Variants in CADM2 observed in about 807,000 individuals in gnomAD.
CADM2 encodes immunoglobulin superfamily member 4D.
A neutral mutation model predicts 49.8 loss-of-function variants in CADM2; 12 were observed. That is an observed-to-expected ratio of 0.24 (90% CI 0.15 to 0.39). CADM2 has a LOEUF of 0.39. CADM2 is among the 10% of genes least tolerant of loss of function. The pLI, the probability that CADM2 is intolerant of heterozygous loss-of-function variation, is 1.00. For synonymous variants in CADM2, 214 were observed against 175.4 expected, an observed-to-expected ratio of 1.22 and a Z score of -1.74; for missense variants, 378 against 492.3, an observed-to-expected ratio of 0.77 and a Z score of 2.20.
intron 1 of CADM2, among the ~76,000 whole-genome samples, chr3:85,672,894 G>A (rs2065782911): frequency 2.0e-5 from 3 of 152,128 alleles, no homozygotes; most frequent in African/African-American, 7.2e-5. Context: ...AAGCACTAAT[G>A]GCACTTTAAA....
Position 85,395,988 on chromosome 3 carries a change from A to G in CADM2, c.62-330534A>G, listed in dbSNP as rs970610072. On this transcript the variant is annotated intron_variant, in intron 1 of 9. Transcript: ENST00000383699. Reference sequence around the variant, plus strand: ...TTATCATAATGATAATTTATAAAATAAATATGCAATTATATTTTCAGTATT... The same window carrying G: ...TTATCATAATGATAATTTATAAAATGAATATGCAATTATATTTTCAGTATT... Among the ~76,000 whole-genome samples, 4 of 148,980 alleles carry G rather than the reference A, an allele frequency of 2.7e-5. No homozygotes were observed. In the South Asian group the frequency reaches 6.3e-4, roughly 23 times the overall value.
chr3:85,987,119 A>G (rs1254718679), intron 8 of CADM2, among the ~76,000 whole-genome samples: 1 of 152,008 alleles, frequency 6.6e-6, no homozygotes, highest in Non-Finnish European at 1.5e-5. Flanking sequence ...CAATTTGAAA[A>G]TCTTTAAGTA....
intron 1 of CADM2, among the ~76,000 whole-genome samples, chr3:85,107,631 T>TTTTC (rs371715710): frequency 0.35 from 47,911 of 137,642 alleles, 11,283 homozygotes; most frequent in Non-Finnish European, 0.52. Flanking sequence ...CTTTCTTTCT[T>TTTTC]TTTCTTTCTT....
intron 1 of CADM2, among the ~76,000 whole-genome samples, chr3:85,237,984 G>GT (rs1435441879): frequency 1.3e-5 from 2 of 151,700 alleles, no homozygotes; most frequent in East Asian, 3.9e-4. Flanking sequence ...TTGTTGTTTA[G>GT]TTTTTAATTA....
At chr3:85,496,436 T>A (rs1283194741) in intron 1 of CADM2, among the ~76,000 whole-genome samples, 2 of 152,238 alleles carry the variant, frequency 1.3e-5, no homozygotes, top group African/African-American at 4.8e-5. Flanking sequence ...CTTTATCTAA[T>A]TCACCACTGA....
At chr3:85,610,054 TA>T (rs1458196752) in intron 1 of CADM2, among the ~76,000 whole-genome samples, 2 of 152,040 alleles carry the variant, frequency 1.3e-5, no homozygotes, top group Admixed American at 1.3e-4. Flanking sequence ...TTCACGATGG[TA>T]AAAATGATAT....
chr3:85,430,781 T>C (rs1014959759), intron 1 of CADM2, among the ~76,000 whole-genome samples: 27 of 152,194 alleles, frequency 1.8e-4, no homozygotes, highest in African/African-American at 6.3e-4. Context: ...GTTGTTGTAC[T>C]TTTGTTACAG....
intron 1 of CADM2, among the ~76,000 whole-genome samples, chr3:85,186,820 G>C (rs72909176): frequency 6.6e-6 from 1 of 152,152 alleles, no homozygotes; most frequent in South Asian, 2.1e-4. Context: ...CCAGTTAGTT[G>C]TAAGTGTATA....
intron 1 of CADM2, among the ~76,000 whole-genome samples, chr3:84,968,117 T>C (rs1222906552): frequency 1.3e-5 from 2 of 152,090 alleles, no homozygotes; most frequent in African/African-American, 4.8e-5. Flanking sequence ...TCATGAATTG[T>C]GTAAATCATC....
At chr3:85,189,293 A>G (rs2041145680) in intron 1 of CADM2, among the ~76,000 whole-genome samples, 1 of 151,914 alleles carries the variant, frequency 6.6e-6, no homozygotes, top group East Asian at 1.9e-4. Context: ...TTTGTTATCA[A>G]TTTTCCATTC....
intron 1 of CADM2, among the ~76,000 whole-genome samples, chr3:84,992,578 G>A (rs769166512): frequency 6.6e-6 from 1 of 152,034 alleles, no homozygotes; most frequent in Non-Finnish European, 1.5e-5. Flanking sequence ...GCAGTGAGCC[G>A]AGATCGCACC....
chr3:85,010,237 GT>G (rs1283703033), intron 1 of CADM2, among the ~76,000 whole-genome samples: 1 of 152,148 alleles, frequency 6.6e-6, no homozygotes, highest in Non-Finnish European at 1.5e-5. Flanking sequence ...TTCAATGATA[GT>G]CACCTCTCTT....
chr3:85,139,844 A>C (rs2039524797), intron 1 of CADM2, among the ~76,000 whole-genome samples: 1 of 152,118 alleles, frequency 6.6e-6, no homozygotes, highest in South Asian at 2.1e-4. Flanking sequence ...ACTACTTATA[A>C]GGGTTTTTTC....
intron 1 of CADM2, among the ~76,000 whole-genome samples, chr3:85,119,507 A>T (rs2038774017): frequency 6.6e-6 from 1 of 152,270 alleles, no homozygotes; most frequent in African/African-American, 2.4e-5. Context: ...TATGAAATTT[A>T]AAGTAGTTTT....
At chr3:85,340,139 A>T (rs141969995) in intron 1 of CADM2, among the ~76,000 whole-genome samples, 1 of 151,570 alleles carries the variant, frequency 6.6e-6, no homozygotes, top group Non-Finnish European at 1.5e-5. Context: ...TAGGTTAAAA[A>T]TAATCTGAAA....
intron 1 of CADM2, among the ~76,000 whole-genome samples, chr3:85,195,182 CT>C (rs1417409969): frequency 6.6e-6 from 1 of 152,050 alleles, no homozygotes. Context: ...GAAAGCATTA[CT>C]TTTATAGTAA....
chr3:85,580,132 C>A (rs1248969075), intron 1 of CADM2, among the ~76,000 whole-genome samples: 3 of 152,086 alleles, frequency 2.0e-5, no homozygotes, highest in East Asian at 3.9e-4. Flanking sequence ...TCATTCAAAT[C>A]ATTTAAAACC....
chr3:85,482,653 C>G (rs924438665), intron 1 of CADM2, among the ~76,000 whole-genome samples: 12 of 151,494 alleles, frequency 7.9e-5, no homozygotes, highest in African/African-American at 2.7e-4. Context: ...GCATTTTTAT[C>G]GATGGTTCAT....
chr3:85,425,347 G>A (rs1455104534), intron 1 of CADM2, among the ~76,000 whole-genome samples: 2 of 152,108 alleles, frequency 1.3e-5, no homozygotes, highest in Non-Finnish European at 2.9e-5. Flanking sequence ...ACTATTTTCA[G>A]CTCTTGTTTT....
Sources: gnomAD v4.1 joint callset for allele counts (sites outside exome capture counted in the v4.1 genomes callset) on GRCh38, gnomAD v4.1.1 for gene constraint, MANE v1.5 for transcripts, NCBI Gene and HGNC (gene_info 2026-07-23, HGNC 2026-07-21) for gene names.